Variants in SULT1A2 observed in about 807,000 individuals in gnomAD.
SULT1A2 encodes the protein sulfotransferase 1A2.
SULT1A2 carries 33 observed loss-of-function variants against 36.0 expected under a neutral mutation model. The observed-to-expected ratio is 0.92, with a 90% CI of 0.69 to 1.22. SULT1A2 has a LOEUF of 1.22. Among genes scored for constraint, SULT1A2 ranks in the 50% most tolerant of loss-of-function variants. The pLI is 0.00. For synonymous variants in SULT1A2, 138 were observed against 144.5 expected (o/e 0.96, Z 0.32); for missense variants, 367 against 383.2 (o/e 0.96, Z 0.35).
At chr16:28,596,829 CG>C (rs1356004844) in intron 1 of SULT1A2, 167 bp downstream of exon 1, 2 of 405,666 alleles carry the variant, frequency 4.9e-6, no homozygotes, top group East Asian at 1.9e-4. Flanking sequence ...CTGGCCTCCC[CG>C]GAAAAAAAAA....
intron 1 of SULT1A2, 39 bp from the exon 2 acceptor site, chr16:28,595,973 C>G: frequency 6.3e-7 from 1 of 1,597,820 alleles, no homozygotes; most frequent in Non-Finnish European, 8.5e-7. Flanking sequence ...TCCCTTACCA[C>G]CATCACAACA....
intron 4 of SULT1A2, among the ~76,000 whole-genome samples, 183 bp downstream of exon 4, chr16:28,595,184 G>T (rs2047043904): frequency 6.6e-6 from 1 of 151,880 alleles, no homozygotes; most frequent in African/African-American, 2.4e-5. Flanking sequence ...AAACTCCTAG[G>T]CTCAGATGAT....
At position 28,596,424 on chromosome 16, in the gene SULT1A2, T is replaced by C. The variant is rs1190699617; in HGVS notation, c.-4-490A>G. 10 of 924,766 alleles carry C rather than the reference T, an allele frequency of 1.1e-5. No individual in the cohort carries two copies. In the East Asian group the frequency reaches 5.0e-4, roughly 46 times the overall value. The allele number at this position is 924,766 out of a possible 1,614,324, so 57.3% of individuals were successfully genotyped here. ...CCCTCACATGTGGCAACTCCTAGGC[T>C]GGCCAGGCCTGTGATCCACTTGCCC... On this transcript the variant is annotated intron_variant, in intron 1 of 7. Coordinates refer to ENST00000335715, the MANE Select transcript of SULT1A2 (RefSeq NM_001054.4).
At chr16:28,594,770 C>CTTTTTTTTTTTTTTTTT (rs1033591115) in intron 4 of SULT1A2, among the ~76,000 whole-genome samples, 1 of 53,844 alleles carries the variant, frequency 1.9e-5, no homozygotes, top group African/African-American at 7.0e-5. Flanking sequence ...CCACCTGCCG[C>CTTTTTTTTTTTTTTTTT]TTTTTTTTTT....
intron 6 of SULT1A2, 29 bp downstream of exon 6, chr16:28,593,223 G>C (rs201210966): frequency 6.2e-7 from 1 of 1,612,102 alleles, no homozygotes; most frequent in East Asian, 2.2e-5. Context: ...CAGGTGTCAC[G>C]TGGAGGGAAG....
At chr16:28,594,529 T>G (rs982677005) in intron 4 of SULT1A2, among the ~76,000 whole-genome samples, 1 of 152,194 alleles carries the variant, frequency 6.6e-6, no homozygotes, top group African/African-American at 2.4e-5. Flanking sequence ...CTCGGCTCAC[T>G]GCAACCACCG....
chr16:28,595,095 A>G (rs1296315584), intron 4 of SULT1A2, among the ~76,000 whole-genome samples: 2 of 151,524 alleles, frequency 1.3e-5, no homozygotes, highest in East Asian at 3.9e-4. Flanking sequence ...CACTCTTTCT[A>G]TTCATCGTTT....
At chr16:28,593,178 G>A in intron 6 of SULT1A2, 74 bp downstream of exon 6, 1 of 1,599,292 alleles carries the variant, frequency 6.3e-7, no homozygotes, top group Admixed American at 1.7e-5. Flanking sequence ...GGGTGGCTGG[G>A]TGGCCTTGGC....
chr16:28,595,994 G>A, intron 1 of SULT1A2, 60 bp from the exon 2 acceptor site: 2 of 1,586,008 alleles, frequency 1.3e-6, no homozygotes, highest in Non-Finnish European at 8.6e-7. Flanking sequence ...GCAAGAAAGT[G>A]GAATTCTTGC....
rs139054845 is a variant in SULT1A2, at chr16:28,593,548, G to A, written c.393C>T (p.Asn131=). The A allele has an allele frequency of 1.6e-4, 257 of 1,614,024 alleles. No individual in the cohort carries two copies. Among genetic ancestry groups the A allele is most frequent in the Admixed American group, 2.7e-4 (16 of 60,000 alleles). The change falls in exon 5 of 8, where the codon AAC becomes AAT. Residue 131 remains asparagine, a synonymous_variant. Transcript: ENST00000335715. ...QKVKVVYVAR[N]AKDVAVSYYH... is the part of the protein sequence containing the mutation. Reference sequence around the variant, plus strand: ...AGTAGGAAACCGCCACATCCTTTGCGTTGCGGGCAACATAGACCACCTGCA... The same window carrying A: ...AGTAGGAAACCGCCACATCCTTTGCATTGCGGGCAACATAGACCACCTGCA...
At position 28,593,330 on chromosome 16, in the gene SULT1A2, C is replaced by G; in HGVS notation, c.516G>C (p.Trp172Cys). The change falls in exon 6 of 8, where the codon TGG becomes TGC. Residue 172 changes from tryptophan (W) to cysteine (C), a missense_variant. By Grantham distance (215) the Trp-to-Cys change is radical (BLOSUM62 -2). Transcript: ENST00000335715. ...FMAGEVSYGS[W>C]YQHVQEWWEL... The stretch of plus-strand genomic sequence containing the variant: ...CCCACCACTCTTGCACGTGCTGGTA[C>G]CAGGACCCATAGGACACTGGAGAAG... 2 of 1,614,180 alleles carry G rather than the reference C, an allele frequency of 1.2e-6. No homozygotes were observed. The highest frequency in any genetic ancestry group is 1.7e-6 in the Non-Finnish European group (2 of 1,180,028).
At position 28,595,587 on chromosome 16, in the gene SULT1A2, C is replaced by T. The variant is rs761926209; in HGVS notation, c.237G>A (p.Val79=). 3 of 1,614,174 alleles carry T rather than the reference C, an allele frequency of 1.9e-6. No homozygotes were observed. Among genetic ancestry groups the T allele is most frequent in the Non-Finnish European group, 2.5e-6 (3 of 1,180,028 alleles). ...CTGGGACTTTGAACTCAAGGAAGGG[C>T]ACCCGCATGAAGATGGGAGCTCGGT... ...KCHRAPIFMR[V]PFLEFKVPGI... The change falls in exon 3 of 8, where the codon GTG becomes GTA. Residue 79 remains valine (V), a synonymous_variant. Transcript: ENST00000335715.
At chr16:28,596,326 T>G in intron 1 of SULT1A2, 1 of 1,149,296 alleles carries the variant, frequency 8.7e-7, no homozygotes, top group Non-Finnish European at 1.1e-6. Context: ...TGTCTCACCA[T>G]TTCCTGCTGG....
At chr16:28,594,611 C>T (rs2047036852) in intron 4 of SULT1A2, among the ~76,000 whole-genome samples, 2 of 151,892 alleles carry the variant, frequency 1.3e-5, no homozygotes. Flanking sequence ...TGCCCCAACG[C>T]CTGGCTAATT....
At chr16:28,592,481 G>GCTCCCAC in intron 6 of SULT1A2, 38 bp from the exon 7 acceptor site, 1 of 1,614,052 alleles carries the variant, frequency 6.2e-7, no homozygotes, top group Admixed American at 1.7e-5. Context: ...GGCTTGGATT[G>GCTCCCAC]CTGATTCAGG....
intron 6 of SULT1A2, 146 bp from the exon 7 acceptor site, chr16:28,592,589 C>G (rs1007776687): frequency 4.4e-5 from 64 of 1,453,042 alleles, no homozygotes; most frequent in Admixed American, 6.5e-5. Flanking sequence ...GGACCCCAGT[C>G]CCTGGGGCAA....
intron 4 of SULT1A2, 58 bp from the exon 5 acceptor site, chr16:28,593,626 G>C: frequency 6.2e-7 from 1 of 1,606,390 alleles, no homozygotes; most frequent in Non-Finnish European, 8.5e-7. Context: ...CCCCAGGCCA[G>C]CTCATCTCTT....
Position 28,593,317 on chromosome 16 carries a change from G to A in SULT1A2, c.529C>T (p.Gln177Ter), listed in dbSNP as rs779420691. 29 of 1,614,084 alleles carry A rather than the reference G, an allele frequency of 1.8e-5. No homozygotes were observed. The East Asian group carries it at 6.2e-4, about 35-fold the overall frequency. Residue 177 changes from glutamine to a stop codon, truncating the protein, a stop_gained, in exon 6 of 8, where the codon CAA (glutamine) becomes TAA (stop). Coordinates refer to ENST00000335715, the MANE Select transcript of SULT1A2 (RefSeq NM_001054.4). LOFTEE classifies it high-confidence loss of function. Reference protein sequence around the residue: ...VSYGSWYQHVQEWWELSRTHP... With the variant: ...VSYGSWYQHV ...GTGCGGCTCAGCTCCCACCACTCTT[G>A]CACGTGCTGGTACCAGGACCCATAG...
chr16:28,595,221 TG>T, intron 4 of SULT1A2, 145 bp downstream of exon 4: 1 of 1,043,844 alleles, frequency 9.6e-7, no homozygotes, highest in Non-Finnish European at 1.4e-6. Flanking sequence ...CCTGAGTAGC[TG>T]GTATTACAGG....
Sources: gnomAD v4.1 joint callset for allele counts (sites outside exome capture counted in the v4.1 genomes callset) on GRCh38, gnomAD v4.1.1 for gene constraint, MANE v1.5 for transcripts, NCBI Gene and HGNC (gene_info 2026-07-23, HGNC 2026-07-21) for gene names.